The following VPS13D variants were observed in gnomAD, a reference collection of about 807,000 sequenced individuals.
VPS13D encodes the protein intermembrane lipid transfer protein VPS13D.
In VPS13D, 187 loss-of-function variants were observed where a neutral mutation model predicts 461.9. The ratio of observed to expected loss-of-function variants is 0.40; its 90% CI spans 0.36 to 0.46. VPS13D has a LOEUF of 0.46. VPS13D is among the 20% of genes least tolerant of loss of function. The pLI, the probability that VPS13D is intolerant of heterozygous loss-of-function variation, is 0.60. For missense variants in VPS13D, 4,711 were observed against 5,364.9 expected (o/e 0.88, Z 3.81); for synonymous variants, 1,951 against 1,986.3 (o/e 0.98, Z 0.47).
At chr1:12,470,856 C>T (rs1645553698) in intron 67 of VPS13D, among the ~76,000 whole-genome samples, 1 of 152,060 alleles carries the variant, frequency 6.6e-6, no homozygotes, top group African/African-American at 2.4e-5. Context: ...GGCATTTTTT[C>T]CCTCATTACC....
At chr1:12,438,667 A>G (rs1164409609) in intron 65 of VPS13D, among the ~76,000 whole-genome samples, 2 of 152,122 alleles carry the variant, frequency 1.3e-5, no homozygotes, top group Non-Finnish European at 2.9e-5. Flanking sequence ...CTCCCTGGCA[A>G]AAGAAGAATT....
chr1:12,316,319 A>G (rs769485875), intron 30 of VPS13D, among the ~76,000 whole-genome samples: 1 of 152,118 alleles, frequency 6.6e-6, no homozygotes, highest in Non-Finnish European at 1.5e-5. Flanking sequence ...GAGGAGTGAA[A>G]TGTTCTTTAG....
Position 12,271,110 on chromosome 1 carries a change from G to T in VPS13D, c.2089G>T (p.Val697Leu). 1.2e-6 allele frequency: 2 copies of T among 1,614,050 alleles called. No homozygotes were observed. Among genetic ancestry groups the T allele is most frequent in the Non-Finnish European group, 1.7e-6 (2 of 1,179,976 alleles). ...EIRQTLDRLLVGDFIEESKRW... is the reference protein window; with the variant it reads ...EIRQTLDRLLLGDFIEESKRW... ...CCGGCAAACTCTTGATCGTTTGCTA[G>T]TGGGTGATTTCATTGTAAGTGGGCA... Residue 697 changes from valine (V) to leucine (L), a missense_variant, in exon 17 of 70, where the codon GTG becomes TTG. Val to Leu is a conservative substitution (Grantham distance 32). Around this residue, in one of 3 missense-constraint regions of VPS13D, gnomAD observed 4,411 missense variants for 4,937.8 expected, o/e 0.89. Coordinates refer to ENST00000620676, the MANE Select transcript of VPS13D (RefSeq NM_015378.4).
chr1:12,304,539 C>T lies in VPS13D; in HGVS notation c.6250C>T (p.Pro2084Ser). The T allele has an allele frequency of 6.2e-7, 1 of 1,614,054 alleles. No individual in the cohort carries two copies. The change falls in exon 26 of 70, where the codon CCC becomes TCC. Residue 2084 changes from proline (P) to serine (S), a missense_variant. By Grantham distance (74) the Pro-to-Ser change is moderately conservative (BLOSUM62 -1). Transcript: ENST00000620676. ...SVPSASPTGI[P>S]KHSLRKTTST... is the part of the protein sequence containing the mutation. ...GCCTTCAGCTTCCCCAACGGGTATT[C>T]CCAAACACAGTCTGAGGAAAACGAC...
intron 62 of VPS13D, 144 bp from the exon 63 acceptor site, chr1:12,403,681 C>T (rs1644610076): frequency 1.4e-6 from 1 of 720,866 alleles, no homozygotes; most frequent in East Asian, 2.8e-5. Context: ...CTATACACGT[C>T]ACTGTACCCT....
chr1:12,373,909 C>A, intron 55 of VPS13D, 51 bp downstream of exon 55: 2 of 1,418,572 alleles, frequency 1.4e-6, no homozygotes, highest in South Asian at 1.2e-5. Flanking sequence ...TAGCACTGGA[C>A]GGGACTCAGG....
intron 60 of VPS13D, among the ~76,000 whole-genome samples, chr1:12,396,661 T>A (rs935255454): frequency 2.0e-4 from 31 of 152,198 alleles, no homozygotes; most frequent in Non-Finnish European, 3.7e-4. Flanking sequence ...CTGGGGCTCC[T>A]TCTCTCCCTT....
rs1395331177 is a variant in VPS13D at position 12,507,411 on chromosome 1, G to A, written c.13035+318G>A. Reference sequence around the variant, plus strand: ...TAAGGAACAGCTAACACAACACACAGGGTTTTTCTGCTCCCAAAATGGGAT... The same window carrying A: ...TAAGGAACAGCTAACACAACACACAAGGTTTTTCTGCTCCCAAAATGGGAT... On this transcript the variant is annotated intron_variant, in intron 69 of 69. Transcript: ENST00000620676. This position sits in a 1 kb window ranked among gnomAD's most constrained non-coding sequence, Gnocchi z 5.3. 1.8e-6 allele frequency: 1 copy of A among 553,916 alleles called. No individual in the cohort carries two copies. The highest frequency in any genetic ancestry group is 3.5e-6 in the Non-Finnish European group (1 of 286,076). The allele number at this position is 553,916 out of a possible 1,614,324, so 34.3% of individuals were successfully genotyped here. A position where few individuals can be genotyped will look rare whatever the true frequency, so the allele number is the denominator to read the frequency against.
chr1:12,292,947 G>A (rs1213162819), intron 23 of VPS13D, among the ~76,000 whole-genome samples: 1 of 152,114 alleles, frequency 6.6e-6, no homozygotes, highest in Non-Finnish European at 1.5e-5. Flanking sequence ...TAAGTACTCA[G>A]CAATGTTGGT....
At chr1:12,501,948 A>G (rs1299183042) in intron 68 of VPS13D, among the ~76,000 whole-genome samples, 1 of 152,106 alleles carries the variant, frequency 6.6e-6, no homozygotes, top group Non-Finnish European at 1.5e-5. Flanking sequence ...GGGACAGAAG[A>G]GCTCACGGCA....
At chr1:12,454,705 C>G (rs999168351) in intron 65 of VPS13D, among the ~76,000 whole-genome samples, 1 of 152,220 alleles carries the variant, frequency 6.6e-6, no homozygotes, top group African/African-American at 2.4e-5. Context: ...CCCTAACCCC[C>G]TTGCCAAAGG....
Position 12,282,862 on chromosome 1 carries a change from A to C in VPS13D, c.4760A>C (p.Glu1587Ala). Residue 1587 changes from glutamate (E) to alanine (A), a missense_variant, in exon 21 of 70, where the codon GAA becomes GCA. Physicochemically the swap from Glu to Ala is moderately radical, Grantham distance 107. Coordinates refer to ENST00000620676, the MANE Select transcript of VPS13D (RefSeq NM_015378.4). Reference sequence around the variant, plus strand: ...AGTACCTGTGGAGAATCTTCTGTTGAAAGGAAGGAGAATGGATTGTTCAGC... The same window carrying C: ...AGTACCTGTGGAGAATCTTCTGTTGCAAGGAAGGAGAATGGATTGTTCAGC... ...PLSTCGESSV[E>A]RKENGLFSHS... 6.2e-7 allele frequency: 1 copy of C among 1,614,126 alleles called. No individual in the cohort carries two copies. Among genetic ancestry groups the C allele is most frequent in the Middle Eastern group, 1.6e-4 (1 of 6,062 alleles).
chr1:12,452,346 A>G (rs751208081), intron 65 of VPS13D, among the ~76,000 whole-genome samples: 3 of 152,240 alleles, frequency 2.0e-5, no homozygotes, highest in Non-Finnish European at 4.4e-5. Context: ...CACTCCCTAC[A>G]TGATGGTGTA....
At chr1:12,254,791 G>T (rs1253548940) in intron 7 of VPS13D, among the ~76,000 whole-genome samples, 1 of 151,986 alleles carries the variant, frequency 6.6e-6, no homozygotes, top group Non-Finnish European at 1.5e-5. Context: ...GCCTCCGAAA[G>T]TGCTGGGATT....
intron 23 of VPS13D, among the ~76,000 whole-genome samples, chr1:12,292,700 A>T (rs1420406072): frequency 6.6e-6 from 1 of 151,968 alleles, no homozygotes; most frequent in Non-Finnish European, 1.5e-5. Context: ...CGGCCTCCCA[A>T]AGTGTTGGGA....
chr1:12,294,546 G>C (rs1198785002), intron 24 of VPS13D, among the ~76,000 whole-genome samples: 1 of 152,138 alleles, frequency 6.6e-6, no homozygotes, highest in Non-Finnish European at 1.5e-5. Flanking sequence ...GGGTGTGGTG[G>C]CTCACGCCTG....
At chr1:12,275,282 G>A (rs932952976) in intron 18 of VPS13D, among the ~76,000 whole-genome samples, 6 of 151,958 alleles carry the variant, frequency 3.9e-5, no homozygotes, top group Non-Finnish European at 8.8e-5. Flanking sequence ...GGGCATGGTG[G>A]TACATGCCTG....
intron 46 of VPS13D, among the ~76,000 whole-genome samples, chr1:12,353,514 C>T (rs1047844357): frequency 4.2e-5 from 5 of 120,422 alleles, no homozygotes; most frequent in Non-Finnish European, 4.7e-5. Flanking sequence ...GCCTGGGTGA[C>T]AGAGCGAGAC....
intron 66 of VPS13D, among the ~76,000 whole-genome samples, chr1:12,457,030 G>C (rs1342369436): frequency 4.6e-5 from 7 of 152,162 alleles, no homozygotes; most frequent in African/African-American, 1.7e-4. Flanking sequence ...AAATTTATTT[G>C]CCTAAGAGAT....
Sources: allele counts gnomAD v4.1 joint callset (sites outside exome capture counted in the v4.1 genomes callset), GRCh38; gene constraint gnomAD v4.1.1; regional missense constraint gnomAD v4.1.1; non-coding constraint Gnocchi (gnomAD v3.1); transcripts MANE v1.5; gene names NCBI Gene and HGNC (gene_info 2026-07-23, HGNC 2026-07-21).